TLE2: variants seen among roughly 807,000 people sequenced by gnomAD.
TLE2 encodes the protein transducin-like enhancer protein 2.
In TLE2, 74 loss-of-function variants were observed where a neutral mutation model predicts 97.2. The ratio of observed to expected loss-of-function variants is 0.76; its 90% CI spans 0.63 to 0.92. The LOEUF (loss-of-function observed/expected upper bound fraction) is 0.92, where lower values mean the gene tolerates loss of function less well. TLE2 is among the 40% of genes least tolerant of loss of function. The probability of loss-of-function intolerance (pLI) is 0.00; values close to 1 mark genes in which losing one functional copy is unlikely to be tolerated. For missense variants in TLE2, 1,038 were observed against 1,008.7 expected (o/e 1.03, Z -0.39); for synonymous variants, 499 against 432.1 (o/e 1.15, Z -1.92).
At position 3,005,977 on chromosome 19, in the gene TLE2, G is replaced by T; in HGVS notation, c.1501-9C>A. On this transcript the variant is annotated splice_polypyrimidine_tract_variant and intron_variant, in intron 15 of 19. Transcript: ENST00000262953. ...ATGTAGTTGTCTCGGTTCTGGGGTC[G>T]GGGAGAGAAGCAGGGGCTGGGGGTT... 1 of 1,609,646 alleles carries T rather than the reference G, an allele frequency of 6.2e-7. No homozygotes were observed. Among genetic ancestry groups the T allele is most frequent in the South Asian group, 1.1e-5 (1 of 90,894 alleles).
In TLE2 at chr19:2,997,969, GGA is replaced by G. The variant is rs1568226985; in HGVS notation, c.2125-16_2125-15del. 2 of 1,596,314 alleles carry G rather than the reference GGA, an allele frequency of 1.3e-6. No homozygotes were observed. Among genetic ancestry groups the G allele is most frequent in the South Asian group, 1.1e-5 (1 of 89,126 alleles). On this transcript the variant is annotated splice_polypyrimidine_tract_variant and intron_variant, in intron 19 of 19. Transcript: ENST00000262953. ...CGACTCCTTGGACTGCCAAGGGAAG[GGA>G]GAGAGAAAAGGGCACAGTGAGGCAT...
intron 5 of TLE2, among the ~76,000 whole-genome samples, chr19:3,023,695 C>A (rs2089889919): frequency 6.6e-6 from 1 of 151,950 alleles, no homozygotes; most frequent in Non-Finnish European, 1.5e-5. Flanking sequence ...GGGTTCGAGA[C>A]CAGCCCGGGC....
chr19:3,033,943 C>G (rs2145223603), upstream of TLE2, among the ~76,000 whole-genome samples: 1 of 152,160 alleles, frequency 6.6e-6, no homozygotes, highest in African/African-American at 2.4e-5. Flanking sequence ...GCTTCCAGGG[C>G]TCTGAGACAC....
upstream of TLE2, among the ~76,000 whole-genome samples, chr19:3,032,988 CA>C (rs2090037204): frequency 2.0e-5 from 3 of 151,132 alleles, no homozygotes; most frequent in Admixed American, 6.6e-5. The surrounding 1 kb of genome is among the most constrained non-coding windows in gnomAD (Gnocchi z 4.1). Context: ...GGCTGGAGTG[CA>C]GTGGCACGAT....
chr19:3,014,621 G>A lies in TLE2; in HGVS notation c.679-7C>T, dbSNP rs1241174771. On this transcript the variant is annotated splice_region_variant and splice_polypyrimidine_tract_variant and intron_variant, in intron 9 of 19. Coordinates refer to ENST00000262953, the MANE Select transcript of TLE2 (RefSeq NM_003260.5). ...TCTTGTCTTCGTCGCTTTCCTGGGG[G>A]AAGATGGGGGAGAGAGCTCATTGTG... The A allele has an allele frequency of 1.9e-6, 3 of 1,590,406 alleles. No homozygotes were observed. The highest frequency in any genetic ancestry group is 1.4e-5 in the African/African-American group (1 of 73,878).
chr19:3,005,712 G>A lies in TLE2; in HGVS notation c.1748+9C>T. The A allele has an allele frequency of 1.2e-6, 2 of 1,611,098 alleles. No individual in the cohort carries two copies. Among genetic ancestry groups the A allele is most frequent in the Non-Finnish European group, 1.7e-6 (2 of 1,177,802 alleles). ...GCTTGCCCAAGGTCCCAGCGCACCT[G>A]CCACCCACCTGACCATAGTCTGATT... On this transcript the variant is annotated intron_variant, in intron 16 of 19. Transcript: ENST00000262953.
Position 2,998,041 on chromosome 19 carries a change from G to A in TLE2, c.2125-86C>T, listed in dbSNP as rs1426048010. On this transcript the variant is annotated intron_variant, in intron 19 of 19. Coordinates refer to ENST00000262953, the MANE Select transcript of TLE2 (RefSeq NM_003260.5). ...GTGGGCAAGGCTGGGGCGGAGTCAGGAACGGGAGGTCAGGACTCGCCTACA... is the reference window on the plus strand; with the variant it reads ...GTGGGCAAGGCTGGGGCGGAGTCAGAAACGGGAGGTCAGGACTCGCCTACA... 6.5e-6 allele frequency: 6 copies of A among 919,468 alleles called. No homozygotes were observed. The East Asian group carries it at 1.3e-4, about 20-fold the overall frequency. 57.0% of individuals were successfully genotyped at this position (919,468 alleles called of 1,614,324 possible).
chr19:3,002,256 TAAC>T, intron 18 of TLE2, 94 bp downstream of exon 18: 1 of 1,403,504 alleles, frequency 7.1e-7, no homozygotes, highest in Non-Finnish European at 9.5e-7. Flanking sequence ...AGTATATAAA[TAAC>T]ATTATTTGTT....
chr19:3,019,783 G>A lies in TLE2; in HGVS notation c.295-10C>T, dbSNP rs756787984. 5.0e-6 allele frequency: 8 copies of A among 1,610,794 alleles called. No individual in the cohort carries two copies. The highest frequency in any genetic ancestry group is 4.5e-5 in the East Asian group (2 of 44,768). On this transcript the variant is annotated splice_polypyrimidine_tract_variant and intron_variant, in intron 5 of 19. Coordinates refer to ENST00000262953, the MANE Select transcript of TLE2 (RefSeq NM_003260.5). The surrounding 1 kb of genome is among the most constrained non-coding windows in gnomAD (Gnocchi z 5.1). ...GCACCTGCTGCTGATGCTGGCGGGTGGAAGGGATCAGGTAGAGGGTACATT... is the reference window on the plus strand; with the variant it reads ...GCACCTGCTGCTGATGCTGGCGGGTAGAAGGGATCAGGTAGAGGGTACATT...
intron 1 of TLE2, among the ~76,000 whole-genome samples, chr19:3,036,493 C>G (rs946304587): frequency 6.6e-6 from 1 of 152,214 alleles, no homozygotes; most frequent in Admixed American, 6.5e-5. Context: ...CACCGCCAAC[C>G]TCTGCCTACC....
intron 8 of TLE2, 46 bp downstream of exon 8, chr19:3,017,794 G>C (rs1242645807): frequency 3.8e-6 from 6 of 1,594,994 alleles, no homozygotes; most frequent in Non-Finnish European, 5.1e-6. Context: ...AACCAGCGTT[G>C]GCCTCCCAAG....
In TLE2 at chr19:3,005,961, T is replaced by C; in HGVS notation, c.1508A>G (p.Asp503Gly). The change falls in exon 16 of 20, where the codon GAC becomes GGC. Residue 503 changes from aspartate (D) to glycine (G), a missense_variant. By Grantham distance (94) the Asp-to-Gly change is moderately conservative. Coordinates refer to ENST00000262953, the MANE Select transcript of TLE2 (RefSeq NM_003260.5). ...PVAQLDCLNRDNYIRSCKLLP... is the reference protein window; with the variant it reads ...PVAQLDCLNRGNYIRSCKLLP... The stretch of plus-strand genomic sequence containing the variant: ...CAACTTGCAGGAACGAATGTAGTTG[T>C]CTCGGTTCTGGGGTCGGGGAGAGAA... 6.2e-7 allele frequency: 1 copy of C among 1,609,812 alleles called. No individual in the cohort carries two copies. The highest frequency in any genetic ancestry group is 8.5e-7 in the Non-Finnish European group (1 of 1,176,600).
At chr19:3,018,227 G>A (rs1012321588) in intron 7 of TLE2, among the ~76,000 whole-genome samples, 1 of 152,090 alleles carries the variant, frequency 6.6e-6, no homozygotes, top group Non-Finnish European at 1.5e-5. Context: ...GAGTTCCCGG[G>A]CTCAAGTGAT....
rs113620466 is a variant in TLE2 at position 3,026,363 on chromosome 19, G to A, written c.232-1281C>T. ...CTCGGGAGGCTGAGGCAGGAGAGGC[G>A]CTTGCACTCAGGAGGCAGAGGTTGC... is the stretch of plus-strand genomic sequence containing the variant. On this transcript the variant is annotated intron_variant, in intron 4 of 19. Coordinates refer to ENST00000262953, the MANE Select transcript of TLE2 (RefSeq NM_003260.5). Among the ~76,000 whole-genome samples, 155 of 151,532 alleles carry A rather than the reference G, an allele frequency of 1.0e-3. 1 individual carries two copies. The highest frequency in any genetic ancestry group is 4.2e-3 in the Admixed American group (64 of 15,190).
At chr19:3,011,461 G>A (rs1377964922) in intron 11 of TLE2, among the ~76,000 whole-genome samples, 1 of 151,038 alleles carries the variant, frequency 6.6e-6, no homozygotes, top group Non-Finnish European at 1.5e-5. Context: ...GAACCCGGGA[G>A]ACGGAGCTTG....
Position 3,019,436 on chromosome 19 carries a change from C to A in TLE2, c.397G>T (p.Ala133Ser). 1 of 1,530,088 alleles carries A rather than the reference C, an allele frequency of 6.5e-7. No individual in the cohort carries two copies. The highest frequency in any genetic ancestry group is 8.7e-7 in the Non-Finnish European group (1 of 1,143,498). 94.8% of individuals were successfully genotyped at this position (1,530,088 alleles called of 1,614,324 possible). A position where few individuals can be genotyped will look rare whatever the true frequency, so the allele number is the denominator to read the frequency against. Residue 133 changes from alanine to serine, a missense_variant, in exon 7 of 20, where the codon GCA becomes TCA. Transcript: ENST00000262953. The surrounding 1 kb of genome is among the most constrained non-coding windows in gnomAD (Gnocchi z 5.1). Reference sequence around the variant, plus strand: ...CGGGGGGTGAGGGGCACAGGGGGTGCGTGGTGGGACAGCGGCTGGAGCTGC... The same window carrying A: ...CGGGGGGTGAGGGGCACAGGGGGTGAGTGGTGGGACAGCGGCTGGAGCTGC... The part of the protein sequence containing the change: ...GQQLQPLSHH[A>S]PPVPLTPRPA...
At chr19:3,010,531 G>T (rs998877413) in intron 12 of TLE2, among the ~76,000 whole-genome samples, 2 of 152,074 alleles carry the variant, frequency 1.3e-5, no homozygotes, top group Non-Finnish European at 2.9e-5. Flanking sequence ...TCTGGGTCCT[G>T]TCCCTTTTTG....
In TLE2 at chr19:3,028,820, G is replaced by A; in HGVS notation, c.25-17C>T. The A allele has an allele frequency of 6.2e-7, 1 of 1,612,324 alleles. No individual in the cohort carries two copies. Among genetic ancestry groups the A allele is most frequent in the Non-Finnish European group, 8.5e-7 (1 of 1,179,766 alleles). On this transcript the variant is annotated splice_polypyrimidine_tract_variant and intron_variant, in intron 1 of 19. Coordinates refer to ENST00000262953, the MANE Select transcript of TLE2 (RefSeq NM_003260.5). Reference sequence around the variant, plus strand: ...GAGCGGGGTCTGGGGGGGGTGTGGGGGAAACGTCAGGGTCTGAGTTCCCGG... The same window carrying A: ...GAGCGGGGTCTGGGGGGGGTGTGGGAGAAACGTCAGGGTCTGAGTTCCCGG...
intron 1 of TLE2, among the ~76,000 whole-genome samples, chr19:3,040,371 C>T (rs568408586): frequency 6.6e-6 from 1 of 152,212 alleles, no homozygotes; most frequent in African/African-American, 2.4e-5. Flanking sequence ...AAGACAGTCT[C>T]GCTCTGTCGA....
Sources: allele counts gnomAD v4.1 joint callset (sites outside exome capture counted in the v4.1 genomes callset), GRCh38; gene constraint gnomAD v4.1.1; non-coding constraint Gnocchi (gnomAD v3.1); transcripts MANE v1.5; gene names NCBI Gene and HGNC (gene_info 2026-07-23, HGNC 2026-07-21).